The following C2CD5 variants were observed in gnomAD, a reference collection of about 807,000 sequenced individuals.
The protein encoded by C2CD5 is C2 domain-containing protein 5.
In C2CD5, 109 loss-of-function variants were observed where a neutral mutation model predicts 130.3. That is an observed-to-expected ratio of 0.84 (90% CI 0.72 to 0.98). The LOEUF (loss-of-function observed/expected upper bound fraction) is 0.98. C2CD5 is among the 50% of genes least tolerant of loss of function. The pLI, the probability that C2CD5 is intolerant of heterozygous loss-of-function variation, is 0.00. For synonymous variants in C2CD5, 454 were observed against 429.2 expected (o/e 1.06, Z -0.71); for missense variants, 996 against 1,261.8 (o/e 0.79, Z 3.19).
chr12:22,526,537 G>A (rs1163484850), intron 4 of C2CD5, among the ~76,000 whole-genome samples: 1 of 152,072 alleles, frequency 6.6e-6, no homozygotes, highest in African/African-American at 2.4e-5. Flanking sequence ...AACAAAAGAA[G>A]TTTTATTCTT....
At chr12:22,464,851 G>C (rs963491405) in intron 22 of C2CD5, among the ~76,000 whole-genome samples, 1 of 152,054 alleles carries the variant, frequency 6.6e-6, no homozygotes, top group African/African-American at 2.4e-5. Context: ...AATTCAAACC[G>C]TTAGTTGGCA....
intron 2 of C2CD5, among the ~76,000 whole-genome samples, chr12:22,542,051 T>C (rs547755626): frequency 6.6e-6 from 1 of 152,310 alleles, no homozygotes; most frequent in South Asian, 2.1e-4. Flanking sequence ...ACCTAAGAAA[T>C]GTCCCACAAA....
In C2CD5 at chr12:22,457,179, T is replaced by TAACTAAGTATCTTG; in HGVS notation, c.2687-19_2687-18insCAAGATACTTAGTT. 1 of 1,566,696 alleles carries TAACTAAGTATCTTG rather than the reference T, an allele frequency of 6.4e-7. No homozygotes were observed. Among genetic ancestry groups the TAACTAAGTATCTTG allele is most frequent in the Non-Finnish European group, 8.7e-7 (1 of 1,149,554 alleles). On this transcript the variant is annotated intron_variant, in intron 24 of 26. Transcript: ENST00000446597. ...TGTCATGGCTAAAATTGGAGAAAAA[T>TAACTAAGTATCTTG]GAGAAAACATTCAGAACAGACGCTG... is the stretch of plus-strand genomic sequence containing the variant.
At chr12:22,454,139 A>G (rs1939288999) in intron 25 of C2CD5, 97 bp from the exon 26 acceptor site, 9 of 934,638 alleles carry the variant, frequency 9.6e-6, no homozygotes, top group Middle Eastern at 2.4e-4. Flanking sequence ...AAAACATCCT[A>G]AATTATCTTA....
At chr12:22,513,253 T>C (rs1282653964) in intron 9 of C2CD5, 41 bp downstream of exon 9, 3 of 1,317,806 alleles carry the variant, frequency 2.3e-6, no homozygotes, top group Non-Finnish European at 3.3e-6. Flanking sequence ...AACAAAGTCA[T>C]ATTAACAGTG....
chr12:22,519,296 C>G, intron 7 of C2CD5: 1 of 1,424,294 alleles, frequency 7.0e-7, no homozygotes, highest in Non-Finnish European at 9.4e-7. Context: ...CAACAGATTG[C>G]AGAGTTATGT....
intron 8 of C2CD5, among the ~76,000 whole-genome samples, chr12:22,516,894 C>T (rs569897352): frequency 2.0e-5 from 3 of 151,844 alleles, no homozygotes; most frequent in African/African-American, 7.2e-5. Flanking sequence ...TCCAAAGCAT[C>T]CATTACTGTC....
chr12:22,461,665 T>C (rs1941185096), intron 22 of C2CD5, among the ~76,000 whole-genome samples: 1 of 152,180 alleles, frequency 6.6e-6, no homozygotes, highest in African/African-American at 2.4e-5. Context: ...TATTCTGGAC[T>C]ACATGATTTT....
chr12:22,540,171 G>A (rs978696804), intron 2 of C2CD5, among the ~76,000 whole-genome samples: 1 of 152,146 alleles, frequency 6.6e-6, no homozygotes, highest in African/African-American at 2.4e-5. Flanking sequence ...GATAACCAAT[G>A]GCAATGAAGA....
intron 8 of C2CD5, among the ~76,000 whole-genome samples, chr12:22,516,565 A>C (rs1334159983): frequency 6.6e-6 from 1 of 151,138 alleles, no homozygotes; most frequent in Admixed American, 6.6e-5. Flanking sequence ...TAAATTAAAA[A>C]AAAAAGAAAC....
At chr12:22,520,286 C>T (rs1950156838) in intron 7 of C2CD5, among the ~76,000 whole-genome samples, 3 of 152,064 alleles carry the variant, frequency 2.0e-5, no homozygotes, top group Non-Finnish European at 1.5e-5. Flanking sequence ...TAAAGGCAGG[C>T]AAAGAGCCCA....
At chr12:22,501,155 A>G (rs1291311844) in intron 10 of C2CD5, among the ~76,000 whole-genome samples, 1 of 152,218 alleles carries the variant, frequency 6.6e-6, no homozygotes, top group Non-Finnish European at 1.5e-5. Flanking sequence ...TAATTAATCA[A>G]AAGCATACTA....
intron 9 of C2CD5, among the ~76,000 whole-genome samples, chr12:22,508,977 C>A (rs976300122): frequency 1.3e-5 from 2 of 151,518 alleles, no homozygotes; most frequent in East Asian, 1.9e-4. Context: ...CCCGGGTTCA[C>A]GCCATTCTCC....
intron 24 of C2CD5, 45 bp from the exon 25 acceptor site, chr12:22,457,206 T>C: frequency 7.5e-7 from 1 of 1,340,316 alleles, no homozygotes. Flanking sequence ...CAGACGCTGG[T>C]AACACAATTA....
chr12:22,463,403 A>G (rs1264162213), intron 22 of C2CD5: 1 of 152,000 alleles, frequency 6.6e-6, no homozygotes, highest in African/African-American at 2.4e-5. Context: ...AAAAAAAAAA[A>G]AAGTAGGACA....
At position 22,504,294 on chromosome 12, in the gene C2CD5, G is replaced by GT. The variant is rs1012550563; in HGVS notation, c.1147+2416dup. 8.5e-5 allele frequency among the ~76,000 whole-genome samples: 12 copies of GT among 141,868 alleles called. No individual in the cohort carries two copies. In the South Asian group the frequency reaches 8.9e-4, roughly 10 times the overall value. 93.1% of individuals were successfully genotyped at this position (141,868 alleles called of 152,430 possible). A position where few individuals can be genotyped will look rare whatever the true frequency, so the allele number is the denominator to read the frequency against. On this transcript the variant is annotated intron_variant, in intron 10 of 26. Coordinates refer to ENST00000446597, the MANE Select transcript of C2CD5 (RefSeq NM_001286176.2). Reference sequence around the variant, plus strand: ...GGAAGCAACAAAATAAAATCAAAATGTTTTTTTTTCTTTTTTTTTTTTTTT... The same window carrying GT: ...GGAAGCAACAAAATAAAATCAAAATGTTTTTTTTTTCTTTTTTTTTTTTTTT...
chr12:22,521,083 C>G (rs1950228327), intron 7 of C2CD5, among the ~76,000 whole-genome samples: 1 of 152,018 alleles, frequency 6.6e-6, no homozygotes, highest in Non-Finnish European at 1.5e-5. Flanking sequence ...ATAACATAAT[C>G]TAAACCACCT....
At chr12:22,450,328 G>A (rs371606696) in intron 26 of C2CD5, among the ~76,000 whole-genome samples, 21 of 152,192 alleles carry the variant, frequency 1.4e-4, no homozygotes, top group Middle Eastern at 3.4e-3. Flanking sequence ...ATGTATATGT[G>A]TTCCCTAGAG....
intron 26 of C2CD5, 49 bp from the exon 27 acceptor site, chr12:22,449,940 T>TA: frequency 6.6e-7 from 1 of 1,509,086 alleles, no homozygotes; most frequent in Non-Finnish European, 9.1e-7. Flanking sequence ...AACACATTCA[T>TA]ACTCTTCTGT....
Sources: gnomAD v4.1 joint callset for allele counts (sites outside exome capture counted in the v4.1 genomes callset) on GRCh38, gnomAD v4.1.1 for gene constraint, MANE v1.5 for transcripts, NCBI Gene and HGNC (gene_info 2026-07-23, HGNC 2026-07-21) for gene names.